Variants in MARK2 observed in about 807,000 individuals in gnomAD.
MARK2 encodes microtubule affinity regulating kinase 2.
MARK2 carries 16 observed loss-of-function variants against 89.8 expected under a neutral mutation model. The observed-to-expected ratio is 0.18, with a 90% confidence interval of 0.12 to 0.27. The LOEUF (loss-of-function observed/expected upper bound fraction) is 0.27, where lower values mean the gene tolerates loss of function less well. Ranked by LOEUF, MARK2 falls within the 10% of genes least tolerant of loss-of-function variation. MARK2 has a pLI of 1.00. For missense variants in MARK2, 621 were observed against 1,049.9 expected, an observed-to-expected ratio of 0.59 and a Z score of 5.65; for synonymous variants, 382 against 399.5, an observed-to-expected ratio of 0.96 and a Z score of 0.52.
intron 6 of MARK2, 58 bp downstream of exon 6, chr11:63,898,891 T>C (rs960492177): frequency 6.7e-7 from 1 of 1,500,226 alleles, no homozygotes; most frequent in Non-Finnish European, 9.3e-7. Context: ...GGGTTTGACA[T>C]GTAAGGATAA....
intron 1 of MARK2, among the ~76,000 whole-genome samples, chr11:63,876,509 C>T (rs577389910): frequency 1.3e-5 from 2 of 152,336 alleles, no homozygotes; most frequent in East Asian, 1.9e-4. Flanking sequence ...CTGTGGGGTT[C>T]TTTGTCCTTG....
At chr11:63,853,941 G>A (rs2016700687) in intron 1 of MARK2, among the ~76,000 whole-genome samples, 1 of 151,996 alleles carries the variant, frequency 6.6e-6, no homozygotes, top group South Asian at 2.1e-4. Context: ...GGCGTGATCT[G>A]TGCTCACTGC....
chr11:63,854,510 C>T (rs549708944), intron 1 of MARK2, among the ~76,000 whole-genome samples: 17 of 151,412 alleles, frequency 1.1e-4, no homozygotes, highest in Middle Eastern at 3.4e-3. Flanking sequence ...AGCCACCATG[C>T]CCAGTCTTTT....
chr11:63,888,413 T>G, intron 1 of MARK2: 10 of 479,242 alleles, frequency 2.1e-5, no homozygotes, highest in Non-Finnish European at 2.5e-5. Flanking sequence ...GTGGCTGCAG[T>G]GAGTCTCCTC....
chr11:63,873,917 G>A (rs1417497991), intron 1 of MARK2, among the ~76,000 whole-genome samples: 1 of 152,262 alleles, frequency 6.6e-6, no homozygotes, highest in Non-Finnish European at 1.5e-5. Flanking sequence ...GAGGGACTGG[G>A]ATTACAGGCA....
At chr11:63,893,601 A>T (rs1424123872) in intron 1 of MARK2, among the ~76,000 whole-genome samples, 2 of 151,958 alleles carry the variant, frequency 1.3e-5, no homozygotes, top group Admixed American at 1.3e-4. Flanking sequence ...GTCTGTGTTT[A>T]GCACTTTGAG....
At chr11:63,892,362 C>G (rs1400260100) in intron 1 of MARK2, among the ~76,000 whole-genome samples, 1 of 152,210 alleles carries the variant, frequency 6.6e-6, no homozygotes, top group African/African-American at 2.4e-5. Context: ...AATCAGGATA[C>G]TGTACTTAAC....
chr11:63,859,560 C>T (rs936619238), intron 1 of MARK2, among the ~76,000 whole-genome samples: 2 of 151,900 alleles, frequency 1.3e-5, no homozygotes, highest in Admixed American at 1.3e-4. Context: ...ACCTCGTGAT[C>T]CACCCACCTT....
chr11:63,849,982 C>G (rs2016483775), intron 1 of MARK2: 3 of 152,128 alleles, frequency 2.0e-5, no homozygotes, highest in East Asian at 3.8e-4. Context: ...CATTATTGTT[C>G]CAGTTGAACA....
chr11:63,856,057 A>G (rs1445111126), intron 1 of MARK2, among the ~76,000 whole-genome samples: 1 of 152,158 alleles, frequency 6.6e-6, no homozygotes, highest in African/African-American at 2.4e-5. Flanking sequence ...AGGTGAGAAA[A>G]CCACGGTAGC....
chr11:63,890,238 C>T, intron 1 of MARK2: 1 of 1,341,178 alleles, frequency 7.5e-7, no homozygotes, highest in Non-Finnish European at 9.8e-7. Flanking sequence ...GCCTCCTTAC[C>T]CTGGCTCACA....
intron 1 of MARK2, among the ~76,000 whole-genome samples, chr11:63,851,504 T>G (rs1166031926): frequency 2.7e-5 from 3 of 112,290 alleles, no homozygotes; most frequent in Admixed American, 1.2e-4. Flanking sequence ...TGCTGACTTG[T>G]TTCACTTTCT....
At chr11:63,886,505 A>C (rs1430507200) in intron 1 of MARK2, among the ~76,000 whole-genome samples, 1 of 151,486 alleles carries the variant, frequency 6.6e-6, no homozygotes, top group Non-Finnish European at 1.5e-5. Context: ...GCTCACTGCA[A>C]CCTCCACCTC....
rs895039259 is a variant in MARK2 at position 63,909,403 on chromosome 11, G to A, written c.*166G>A. ...AGTTTTCTCTTACATGTTTGTGGGG[G>A]GTGGGAGATTGTTCTCCAGCACCCC... is the stretch of plus-strand genomic sequence containing the variant. On this transcript the variant is annotated 3_prime_UTR_variant, in exon 19 of 19. Coordinates refer to ENST00000402010, the MANE Select transcript of MARK2 (RefSeq NM_001039469.3). The A allele has an allele frequency of 6.3e-5, 43 of 685,816 alleles. No individual in the cohort carries two copies. Among genetic ancestry groups the A allele is most frequent in the South Asian group, 5.5e-4 (24 of 43,718 alleles). The allele number at this position is 685,816 out of a possible 1,614,324, so 42.5% of individuals were successfully genotyped here.
chr11:63,900,564 G>T lies in MARK2; in HGVS notation c.774G>T (p.Leu258=), dbSNP rs1349725032. Residue 258 remains leucine (L), a synonymous_variant, in exon 9 of 19, where the codon CTG becomes CTT. Transcript: ENST00000402010. The surrounding 1 kb of genome is among the most constrained non-coding windows in gnomAD (Gnocchi z 4.7). ...AACCCTGGATCCTCCTGCAGGAGCT[G>T]CGGGAACGGGTACTGAGGGGAAAAT... ...LPFDGQNLKE[L]RERVLRGKYR... is the part of the protein sequence containing the mutation. 1 of 1,613,976 alleles carries T rather than the reference G, an allele frequency of 6.2e-7. No individual in the cohort carries two copies. The highest frequency in any genetic ancestry group is 1.7e-5 in the Admixed American group (1 of 59,992).
At position 63,902,125 on chromosome 11, in the gene MARK2, G is replaced by T; in HGVS notation, c.1102-73G>T. ...TGAGTGTTGGGAGAGGGCGGTATGTGTAAATGTGTCCATCCATAGGGATCT... is the reference window on the plus strand; with the variant it reads ...TGAGTGTTGGGAGAGGGCGGTATGTTTAAATGTGTCCATCCATAGGGATCT... On this transcript the variant is annotated intron_variant, in intron 11 of 18. Coordinates refer to ENST00000402010, the MANE Select transcript of MARK2 (RefSeq NM_001039469.3). This position sits in a 1 kb window ranked among gnomAD's most constrained non-coding sequence, Gnocchi z 4.2. The T allele has an allele frequency of 6.4e-7, 1 of 1,564,024 alleles. No individual in the cohort carries two copies. Among genetic ancestry groups the T allele is most frequent in the African/African-American group, 1.4e-5 (1 of 73,938 alleles).
chr11:63,872,223 C>T (rs1036466874), intron 1 of MARK2, among the ~76,000 whole-genome samples: 2 of 152,214 alleles, frequency 1.3e-5, no homozygotes, highest in African/African-American at 2.4e-5. Context: ...AAGGGAGGAG[C>T]TTTCCTCTCC....
chr11:63,909,361 C>G lies in MARK2; in HGVS notation c.*124C>G, dbSNP rs879666923. The G allele has an allele frequency of 2.4e-5, 24 of 997,430 alleles. No individual in the cohort carries two copies. The Admixed American group carries it at 7.6e-4, about 31-fold the overall frequency. 61.8% of individuals were successfully genotyped at this position (997,430 alleles called of 1,614,324 possible). ...GTGTCTCCCCTGCTGGCACTTCTCC[C>G]CTCCCTGGCCCTTCTCAGTTTTCTC... On this transcript the variant is annotated 3_prime_UTR_variant, in exon 19 of 19. Coordinates refer to ENST00000402010, the MANE Select transcript of MARK2 (RefSeq NM_001039469.3).
intron 1 of MARK2, among the ~76,000 whole-genome samples, chr11:63,876,139 G>A (rs931023904): frequency 6.6e-6 from 1 of 152,146 alleles, no homozygotes; most frequent in African/African-American, 2.4e-5. Flanking sequence ...GACTTTTCTA[G>A]CTCCATTTAT....
Sources: gnomAD v4.1 joint callset for allele counts (sites outside exome capture counted in the v4.1 genomes callset) on GRCh38, gnomAD v4.1.1 for gene constraint, Gnocchi (gnomAD v3.1) non-coding constraint, MANE v1.5 for transcripts, NCBI Gene and HGNC (gene_info 2026-07-23, HGNC 2026-07-21) for gene names.